The following FAM184A variants were observed in gnomAD, a reference collection of about 807,000 sequenced individuals.
FAM184A encodes the protein protein FAM184A.
FAM184A carries 99 observed loss-of-function variants against 143.8 expected under a neutral mutation model. The ratio of observed to expected loss-of-function variants is 0.69; its 90% confidence interval spans 0.58 to 0.81. The LOEUF is 0.81. Among genes scored for constraint, FAM184A ranks in the 40% least tolerant of loss-of-function variants. The pLI, the probability that FAM184A is intolerant of heterozygous loss-of-function variation, is 0.00. For missense variants in FAM184A, 1,217 were observed against 1,310.5 expected (o/e 0.93, Z 1.10); for synonymous variants, 427 against 446.4 (o/e 0.96, Z 0.55).
At chr6:119,015,968 T>A (rs1257305949) in intron 5 of FAM184A, among the ~76,000 whole-genome samples, 1 of 147,026 alleles carries the variant, frequency 6.8e-6, no homozygotes, top group African/African-American at 2.6e-5. Flanking sequence ...AATACACCAA[T>A]CGACACTCTG....
At chr6:119,137,546 T>C (rs1582647682) in intron 1 of FAM184A, among the ~76,000 whole-genome samples, 1 of 152,182 alleles carries the variant, frequency 6.6e-6, no homozygotes, top group African/African-American at 2.4e-5. Context: ...GGATTCAACA[T>C]AAGAATTTTC....
intron 1 of FAM184A, among the ~76,000 whole-genome samples, chr6:119,073,001 A>G (rs549136113): frequency 6.6e-6 from 1 of 152,310 alleles, no homozygotes. Flanking sequence ...TGTGCAAACC[A>G]TTCATATTAA....
intron 1 of FAM184A, among the ~76,000 whole-genome samples, chr6:119,120,081 T>G (rs1039379799): frequency 4.6e-5 from 7 of 152,230 alleles, no homozygotes; most frequent in African/African-American, 1.7e-4. Context: ...TTTTAGCATA[T>G]TCACAGAATT....
intron 14 of FAM184A, among the ~76,000 whole-genome samples, chr6:118,971,218 C>T (rs1783686152): frequency 6.6e-6 from 1 of 152,096 alleles, no homozygotes; most frequent in African/African-American, 2.4e-5. Context: ...TACAACCATA[C>T]CTGAATGGTA....
intron 1 of FAM184A, among the ~76,000 whole-genome samples, chr6:119,059,274 C>A (rs769679702): frequency 4.6e-5 from 7 of 152,240 alleles, no homozygotes; most frequent in Admixed American, 1.3e-4. Context: ...AACACCACAC[C>A]TGGCCAGTTG....
chr6:119,016,884 G>T lies in FAM184A; in HGVS notation c.1393C>A (p.Gln465Lys). Residue 465 changes from glutamine (Q) to lysine (K), a missense_variant, in exon 5 of 18, where the codon CAA becomes AAA. Transcript: ENST00000338891. ...GTCACCTCCTCTTCCAATCTACTTT[G>T]CAGGTTTTTAAGTTCCCTTTCATAA... ...EYYERELKNLQSRLEEEVTQL... is the reference protein window; with the variant it reads ...EYYERELKNLKSRLEEEVTQL... The T allele has an allele frequency of 6.2e-7, 1 of 1,613,812 alleles. No individual in the cohort carries two copies. The highest frequency in any genetic ancestry group is 8.5e-7 in the Non-Finnish European group (1 of 1,179,842).
upstream of FAM184A, among the ~76,000 whole-genome samples, chr6:119,079,974 T>C (rs117285729): frequency 0.018 from 2,710 of 152,278 alleles, 34 homozygotes; most frequent in South Asian, 0.046. Context: ...GAAACAAATA[T>C]CCTACAAATG....
chr6:119,062,152 T>C (rs1443204776), intron 1 of FAM184A, among the ~76,000 whole-genome samples: 5 of 152,194 alleles, frequency 3.3e-5, no homozygotes, highest in African/African-American at 7.2e-5. Flanking sequence ...TACAAATGTA[T>C]AACTTTGAAA....
At chr6:118,985,928 A>C (rs1405556290) in intron 9 of FAM184A, among the ~76,000 whole-genome samples, 3 of 152,214 alleles carry the variant, frequency 2.0e-5, no homozygotes, top group Non-Finnish European at 4.4e-5. Flanking sequence ...AAAGGTGCTC[A>C]AATATTTTAA....
chr6:119,034,031 TATATATATATAG>T (rs1181419673), intron 1 of FAM184A, among the ~76,000 whole-genome samples: 8 of 23,088 alleles, frequency 3.5e-4, no homozygotes, highest in African/African-American at 9.3e-4. Flanking sequence ...TATATATATA[TATATATATATAG>T]AGAGAGAGAG....
At chr6:118,980,065 A>AT (rs1215375876) in intron 10 of FAM184A, 73 bp downstream of exon 10, 2 of 1,362,988 alleles carry the variant, frequency 1.5e-6, no homozygotes, top group Non-Finnish European at 2.0e-6. Flanking sequence ...AGAAAAAAAA[A>AT]TTTTTTTAAT....
intron 1 of FAM184A, among the ~76,000 whole-genome samples, chr6:119,146,430 G>A (rs1337818572): frequency 4.0e-5 from 6 of 151,408 alleles, no homozygotes; most frequent in Non-Finnish European, 1.5e-5. Flanking sequence ...GTGTGTGTGT[G>A]TGTGTGTGTG....
chr6:119,026,182 T>C (rs1450534635), intron 1 of FAM184A, among the ~76,000 whole-genome samples: 1 of 152,244 alleles, frequency 6.6e-6, no homozygotes, highest in Non-Finnish European at 1.5e-5. Flanking sequence ...GGAACCCATC[T>C]GTCTTGCCAT....
At chr6:118,997,920 G>T (rs184934606) in intron 9 of FAM184A, among the ~76,000 whole-genome samples, 138 of 152,278 alleles carry the variant, frequency 9.1e-4, no homozygotes, top group African/African-American at 3.2e-3. Context: ...AAATCAGAAA[G>T]CAGTTTACAA....
At chr6:119,007,810 G>A (rs542537875) in intron 6 of FAM184A, among the ~76,000 whole-genome samples, 272 of 152,022 alleles carry the variant, frequency 1.8e-3, no homozygotes, top group Admixed American at 4.8e-3. Flanking sequence ...GTGTGGTGGC[G>A]CGCGACTGTA....
chr6:119,053,936 C>T (rs1351251468), intron 1 of FAM184A, among the ~76,000 whole-genome samples: 8 of 152,226 alleles, frequency 5.3e-5, no homozygotes, highest in Admixed American at 4.6e-4. Flanking sequence ...ATCTACTTCT[C>T]AGCAGGCACT....
chr6:119,079,990 C>T (rs1788015155), upstream of FAM184A, among the ~76,000 whole-genome samples: 1 of 152,244 alleles, frequency 6.6e-6, no homozygotes, highest in Non-Finnish European at 1.5e-5. Context: ...AAATGTTGCT[C>T]CTTAAGCACT....
chr6:119,086,364 G>A (rs1274784691), intron 1 of FAM184A, among the ~76,000 whole-genome samples: 1 of 152,170 alleles, frequency 6.6e-6, no homozygotes, highest in East Asian at 1.9e-4. Context: ...AGAATTAGAT[G>A]CTACAAAGTG....
At chr6:119,089,209 T>TA (rs1554195512) in intron 1 of FAM184A, among the ~76,000 whole-genome samples, 13,340 of 142,120 alleles carry the variant, frequency 0.094, 1,116 homozygotes, top group African/African-American at 0.25. Context: ...TTTATTTATT[T>TA]TTTTATTTTT....
Sources: gnomAD v4.1 joint callset for allele counts (sites outside exome capture counted in the v4.1 genomes callset) on GRCh38, gnomAD v4.1.1 for gene constraint, MANE v1.5 for transcripts, NCBI Gene and HGNC (gene_info 2026-07-23, HGNC 2026-07-21) for gene names.